The following ATXN3 variants were observed in gnomAD, a reference collection of about 807,000 sequenced individuals.
ATXN3 encodes ataxin 3.
In ATXN3, 28 loss-of-function variants were observed where a neutral mutation model predicts 58.2. The observed-to-expected ratio is 0.48, with a 90% CI of 0.36 to 0.66. The LOEUF (loss-of-function observed/expected upper bound fraction) is 0.66. Ranked by LOEUF, ATXN3 falls within the 30% of genes least tolerant of loss-of-function variation. The pLI, the probability that ATXN3 is intolerant of heterozygous loss-of-function variation, is 0.00. For synonymous variants in ATXN3, 113 were observed against 138.5 expected, an observed-to-expected ratio of 0.82 and a Z score of 1.29; for missense variants, 321 against 422.1, an observed-to-expected ratio of 0.76 and a Z score of 2.10.
At chr14:92,053,049 C>T (rs376707541), upstream of ATXN3, among the ~76,000 whole-genome samples, 17 of 152,176 alleles carry the variant, frequency 1.1e-4, no homozygotes, top group African/African-American at 4.1e-4. Context: ...GTCAGGAGTT[C>T]GAGATCAGCC....
chr14:92,094,436 T>C (rs181999063), intron 3 of ATXN3, among the ~76,000 whole-genome samples: 3 of 152,318 alleles, frequency 2.0e-5, no homozygotes, highest in Admixed American at 2.0e-4. Flanking sequence ...ACTAGTCTAC[T>C]ATATACATCT....
At chr14:92,098,652 A>G (rs1202752307) in intron 1 of ATXN3, among the ~76,000 whole-genome samples, 1 of 152,226 alleles carries the variant, frequency 6.6e-6, no homozygotes, top group Non-Finnish European at 1.5e-5. Context: ...TCAAATCTTA[A>G]GAATTAATAC....
chr14:92,080,792 T>TC, intron 9 of ATXN3, 173 bp downstream of exon 9: 1 of 618,196 alleles, frequency 1.6e-6, no homozygotes, highest in Non-Finnish European at 3.0e-6. Context: ...CGCCTTGGCC[T>TC]CCCAAACTGC....
At chr14:92,066,550 C>T (rs78764556) in intron 10 of ATXN3, among the ~76,000 whole-genome samples, 1,841 of 150,670 alleles carry the variant, frequency 0.012, 50 homozygotes, top group African/African-American at 0.042. Flanking sequence ...CCCTTCACTC[C>T]TGAAGGATAT....
chr14:92,084,334 T>C (rs1399769912), intron 6 of ATXN3, among the ~76,000 whole-genome samples: 3 of 152,098 alleles, frequency 2.0e-5, no homozygotes, highest in Non-Finnish European at 4.4e-5. Context: ...ACCCCCACCC[T>C]GACCCACACA....
intron 6 of ATXN3, among the ~76,000 whole-genome samples, chr14:92,084,940 G>A (rs765985710): frequency 6.6e-6 from 1 of 152,106 alleles, no homozygotes; most frequent in Non-Finnish European, 1.5e-5. Context: ...ACACATAATG[G>A]GACAAAGATT....
intron 8 of ATXN3, 70 bp downstream of exon 8, chr14:92,082,230 C>T: frequency 2.0e-6 from 3 of 1,498,652 alleles, no homozygotes; most frequent in Non-Finnish European, 2.7e-6. Flanking sequence ...ACATTAACTT[C>T]CATGAAATCT....
At chr14:92,071,329 C>T in intron 9 of ATXN3, 1 of 557,748 alleles carries the variant, frequency 1.8e-6, no homozygotes, top group South Asian at 1.6e-5. Context: ...GGAGTGGTGG[C>T]TCACACCTGT....
chr14:92,086,205 C>T (rs1374520074), intron 6 of ATXN3, among the ~76,000 whole-genome samples: 2 of 137,564 alleles, frequency 1.5e-5, no homozygotes, highest in South Asian at 2.4e-4. Context: ...GCCAGGAATT[C>T]GAGACCAACC....
intron 10 of ATXN3, 110 bp from the exon 11 acceptor site, chr14:92,064,524 T>C: frequency 1.2e-6 from 1 of 810,510 alleles, no homozygotes; most frequent in South Asian, 1.7e-5. Context: ...GTTTCTTTTT[T>C]TGATTTAATA....
chr14:92,051,459 A>T (rs927137429), upstream of ATXN3, among the ~76,000 whole-genome samples: 2 of 151,512 alleles, frequency 1.3e-5, no homozygotes, highest in African/African-American at 4.9e-5. Context: ...GCTCTACTCT[A>T]CTCTGATTAT....
chr14:92,080,106 A>G (rs2061195947), intron 9 of ATXN3, among the ~76,000 whole-genome samples: 1 of 151,914 alleles, frequency 6.6e-6, no homozygotes, highest in South Asian at 2.1e-4. Context: ...AAAAGAATGT[A>G]TTTTCATATG....
rs770960334 is a variant in ATXN3 at position 92,096,654 on chromosome 14, A to AGTGAGTTTAAAATCAGTACCT, written c.188_189+19dup. ...AAAAAAAAAAAAAGAAATGTGACTT[A>AGTGAGTTTAAAATCAGTACCT]GTGAGTTTAAAATCAGTACCTGTAA... is the stretch of plus-strand genomic sequence containing the variant. On this transcript the variant is annotated intron_variant, in intron 2 of 10. Transcript: ENST00000644486. 2 of 1,515,774 alleles carry AGTGAGTTTAAAATCAGTACCT rather than the reference A, an allele frequency of 1.3e-6. No individual in the cohort carries two copies. Among genetic ancestry groups the AGTGAGTTTAAAATCAGTACCT allele is most frequent in the Admixed American group, 1.9e-5 (1 of 52,810 alleles). 93.9% of individuals were successfully genotyped at this position (1,515,774 alleles called of 1,614,324 possible).
Position 92,096,075 on chromosome 14 carries a change from A to T in ATXN3, c.234+18T>A. ...CTGGGATGTAAGCAACACATAGTACATGCTTGTGACTACTTACCTGAATAG... is the reference window on the plus strand; with the variant it reads ...CTGGGATGTAAGCAACACATAGTACTTGCTTGTGACTACTTACCTGAATAG... On this transcript the variant is annotated intron_variant, in intron 3 of 10. Transcript: ENST00000644486. 7.4e-7 allele frequency: 1 copy of T among 1,357,214 alleles called. No homozygotes were observed. Among genetic ancestry groups the T allele is most frequent in the Non-Finnish European group, 1.0e-6 (1 of 1,002,360 alleles). 84.1% of individuals were successfully genotyped at this position (1,357,214 alleles called of 1,614,324 possible). A position where few individuals can be genotyped will look rare whatever the true frequency, so the allele number is the denominator to read the frequency against.
chr14:92,077,889 T>A (rs1279389211), intron 9 of ATXN3, among the ~76,000 whole-genome samples: 1 of 151,594 alleles, frequency 6.6e-6, no homozygotes, highest in Non-Finnish European at 1.5e-5. Context: ...TCAAGTGATC[T>A]GCCTGCCTCA....
At chr14:92,057,997 A>G (rs936823024), downstream of ATXN3, among the ~76,000 whole-genome samples, 1 of 152,188 alleles carries the variant, frequency 6.6e-6, no homozygotes, top group African/African-American at 2.4e-5. Flanking sequence ...GGCATGAGCC[A>G]CTGGCACTGG....
chr14:92,082,988 T>C (rs1303864785), intron 7 of ATXN3, 138 bp downstream of exon 7: 1 of 1,057,044 alleles, frequency 9.5e-7, no homozygotes, highest in African/African-American at 1.6e-5. Flanking sequence ...AAGTTTAAAC[T>C]AATAAACTTC....
At chr14:92,088,692 C>A in intron 6 of ATXN3, 38 bp downstream of exon 6, 1 of 1,401,710 alleles carries the variant, frequency 7.1e-7, no homozygotes, top group Non-Finnish European at 1.0e-6. Flanking sequence ...TTAACTACTT[C>A]GAAAGGTAAC....
At chr14:92,066,601 GT>G (rs66941473) in intron 10 of ATXN3, among the ~76,000 whole-genome samples, 33,664 of 104,826 alleles carry the variant, frequency 0.32, 4,117 homozygotes, top group Admixed American at 0.41. Flanking sequence ...TTTTTTTCTT[GT>G]TTTTTTTTTT....
Sources: allele counts gnomAD v4.1 joint callset (sites outside exome capture counted in the v4.1 genomes callset), GRCh38; gene constraint gnomAD v4.1.1; transcripts MANE v1.5; gene names NCBI Gene and HGNC (gene_info 2026-07-23, HGNC 2026-07-21).